The following MELK variants were observed in gnomAD, a reference collection of about 807,000 sequenced individuals.
The protein encoded by MELK is maternal embryonic leucine zipper kinase, also known as pEg3 kinase.
In MELK, 81 loss-of-function variants were observed where a neutral mutation model predicts 85.0. That is an observed-to-expected ratio of 0.95 (90% CI 0.80 to 1.15). The LOEUF (loss-of-function observed/expected upper bound fraction) is 1.15. Among genes scored for constraint, MELK ranks in the 50% most tolerant of loss-of-function variants. The pLI is 0.00. For missense variants in MELK, 754 were observed against 777.5 expected (o/e 0.97, Z 0.36); for synonymous variants, 252 against 265.0 (o/e 0.95, Z 0.48).
chr9:36,635,656 T>C (rs1829059218), intron 10 of MELK, among the ~76,000 whole-genome samples: 1 of 152,176 alleles, frequency 6.6e-6, no homozygotes, highest in Admixed American at 6.5e-5. Context: ...TAGTTTGACC[T>C]TGGAGACTCT....
chr9:36,580,185 C>G (rs1166603746), intron 1 of MELK, among the ~76,000 whole-genome samples: 2 of 151,598 alleles, frequency 1.3e-5, no homozygotes, highest in East Asian at 3.9e-4. Flanking sequence ...CGTGCCACCA[C>G]CCCTGGCTAA....
At chr9:36,660,289 G>A (rs116821244) in intron 13 of MELK, among the ~76,000 whole-genome samples, 70 of 152,052 alleles carry the variant, frequency 4.6e-4, no homozygotes, top group African/African-American at 1.2e-3. Context: ...TTACTGCTTC[G>A]GCAGCCACAA....
At chr9:36,645,301 C>A (rs1399446117) in intron 11 of MELK, among the ~76,000 whole-genome samples, 1 of 149,578 alleles carries the variant, frequency 6.7e-6, no homozygotes, top group Non-Finnish European at 1.5e-5. Context: ...TTTCAATAAT[C>A]ATTGAAAAAG....
intron 10 of MELK, among the ~76,000 whole-genome samples, chr9:36,635,535 A>T (rs573420568): frequency 4.2e-4 from 64 of 152,156 alleles, no homozygotes; most frequent in Middle Eastern, 3.4e-3. Context: ...AAATGCTGAG[A>T]TTACAGGCAT....
chr9:36,633,216 T>C lies in MELK; in HGVS notation c.834+16T>C. 6 of 1,570,994 alleles carry C rather than the reference T, an allele frequency of 3.8e-6. No homozygotes were observed. Among genetic ancestry groups the C allele is most frequent in the Non-Finnish European group, 5.2e-6 (6 of 1,157,938 alleles). ...CAAGAATCCTGTAAGTAAAATGAAA[T>C]CCAGTAGAATTTTTTTTTGACTTTG... On this transcript the variant is annotated intron_variant, in intron 10 of 17. Coordinates refer to ENST00000298048, the MANE Select transcript of MELK (RefSeq NM_014791.4).
chr9:36,599,245 G>A (rs1824638586), intron 6 of MELK, 149 bp from the exon 7 acceptor site: 3 of 471,622 alleles, frequency 6.4e-6, no homozygotes, highest in Non-Finnish European at 1.1e-5. Context: ...AGGTTGCAGT[G>A]AGCCGAGATT....
At chr9:36,592,261 G>A (rs1271494684) in intron 4 of MELK, among the ~76,000 whole-genome samples, 1 of 142,618 alleles carries the variant, frequency 7.0e-6, no homozygotes, top group South Asian at 2.2e-4. Context: ...TACAACCTCC[G>A]CCTCCCGGGT....
At chr9:36,594,583 ATTT>A (rs1257068397) in intron 4 of MELK, 42 bp from the exon 5 acceptor site, 11 of 1,581,244 alleles carry the variant, frequency 7.0e-6, no homozygotes, top group African/African-American at 2.7e-5. Context: ...CTGTGAAGTG[ATTT>A]TTTAAGTTGT....
chr9:36,656,839 A>G (rs1002779637), intron 12 of MELK, among the ~76,000 whole-genome samples: 1 of 152,134 alleles, frequency 6.6e-6, no homozygotes, highest in African/African-American at 2.4e-5. Flanking sequence ...ACTGGCTCCA[A>G]CGCCTGAGCT....
At chr9:36,648,150 C>G (rs940624345) in intron 11 of MELK, among the ~76,000 whole-genome samples, 2 of 151,940 alleles carry the variant, frequency 1.3e-5, no homozygotes, top group Non-Finnish European at 2.9e-5. Flanking sequence ...AAGTTTACGT[C>G]GAACACTTCC....
chr9:36,603,932 A>C (rs1825183788), intron 7 of MELK, among the ~76,000 whole-genome samples: 1 of 151,990 alleles, frequency 6.6e-6, no homozygotes, highest in Non-Finnish European at 1.5e-5. Context: ...TTAACCCTAG[A>C]CATAATCTTT....
At chr9:36,597,865 T>C (rs73645807) in intron 6 of MELK, among the ~76,000 whole-genome samples, 2,902 of 152,314 alleles carry the variant, frequency 0.019, 80 homozygotes, top group African/African-American at 0.063. Context: ...ACTTTGAACT[T>C]TCTGGCTCTG....
intron 5 of MELK, among the ~76,000 whole-genome samples, chr9:36,596,972 C>G (rs1587373671): frequency 6.6e-6 from 1 of 152,184 alleles, no homozygotes; most frequent in Non-Finnish European, 1.5e-5. Context: ...ACAGAAACAA[C>G]CTTAAATCAT....
chr9:36,668,877 A>C (rs376700791), intron 14 of MELK, among the ~76,000 whole-genome samples: 1 of 152,160 alleles, frequency 6.6e-6, no homozygotes, highest in Non-Finnish European at 1.5e-5. Context: ...TTTGCCTAAC[A>C]TGAGTTGAAT....
intron 8 of MELK, among the ~76,000 whole-genome samples, chr9:36,627,205 C>T (rs1222439687): frequency 6.6e-6 from 1 of 152,044 alleles, no homozygotes; most frequent in African/African-American, 2.4e-5. Context: ...ATAATTCTTA[C>T]AGAATCAGTC....
At chr9:36,621,154 C>T (rs1010843995) in intron 8 of MELK, among the ~76,000 whole-genome samples, 2 of 150,940 alleles carry the variant, frequency 1.3e-5, no homozygotes, top group African/African-American at 2.4e-5. Flanking sequence ...TGCCTGTAAT[C>T]CTAGGTACTC....
intron 11 of MELK, among the ~76,000 whole-genome samples, chr9:36,648,930 G>C (rs1475877920): frequency 6.6e-6 from 1 of 152,002 alleles, no homozygotes; most frequent in Non-Finnish European, 1.5e-5. Context: ...AAAACAAATG[G>C]AGTAAGGTGG....
intron 12 of MELK, among the ~76,000 whole-genome samples, chr9:36,652,422 C>T (rs940652109): frequency 6.6e-6 from 1 of 151,150 alleles, no homozygotes; most frequent in African/African-American, 2.4e-5. Flanking sequence ...ATAGCAATTC[C>T]TGATGGCTAT....
intron 10 of MELK, among the ~76,000 whole-genome samples, chr9:36,636,802 T>TTCTTTCTG (rs1449037954): frequency 4.0e-5 from 3 of 75,254 alleles, no homozygotes; most frequent in African/African-American, 1.2e-4. Context: ...CTTTCTTTCT[T>TTCTTTCTG]TCTGTCTTTC....
Sources: gnomAD v4.1 joint callset for allele counts (sites outside exome capture counted in the v4.1 genomes callset) on GRCh38, gnomAD v4.1.1 for gene constraint, MANE v1.5 for transcripts, NCBI Gene and HGNC (gene_info 2026-07-23, HGNC 2026-07-21) for gene names.